CES1: variants seen among roughly 807,000 people sequenced by gnomAD.
CES1 encodes carboxylesterase 1, also known as liver carboxylesterase 1.
In CES1, 50 loss-of-function variants were observed where a neutral mutation model predicts 53.0. The observed-to-expected ratio is 0.94, with a 90% CI of 0.75 to 1.19. CES1 has a LOEUF of 1.19. Among genes scored for constraint, CES1 ranks in the 50% most tolerant of loss-of-function variants. The pLI is 0.00. For synonymous variants in CES1, 202 were observed against 210.1 expected, an observed-to-expected ratio of 0.96 and a Z score of 0.33; for missense variants, 534 against 538.0, an observed-to-expected ratio of 0.99 and a Z score of 0.07.
rs771112738 is a variant in CES1, at chr16:55,810,666, T to A, written c.1171-2A>T. 2.5e-6 allele frequency: 4 copies of A among 1,614,102 alleles called. No individual in the cohort carries two copies. Among genetic ancestry groups the A allele is most frequent in the South Asian group, 1.1e-5 (1 of 91,084 alleles). ...TGGAATCAGTTCCTTAGCAATGCACTGAAATAGATCAAAAAGTGACCACCA... is the reference window on the plus strand; with the variant it reads ...TGGAATCAGTTCCTTAGCAATGCACAGAAATAGATCAAAAAGTGACCACCA... On this transcript the variant is annotated splice_acceptor_variant, in intron 10 of 13. Coordinates refer to ENST00000360526, the MANE Select transcript of CES1 (RefSeq NM_001025195.2). LOFTEE classifies it high-confidence loss of function.
At chr16:55,823,249 A>T (rs1219271622) in intron 4 of CES1, among the ~76,000 whole-genome samples, 1 of 152,060 alleles carries the variant, frequency 6.6e-6, no homozygotes, top group Admixed American at 6.5e-5. Flanking sequence ...GGAGAAACAT[A>T]GGTGAAGAGG....
rs773319741 is a variant in CES1, at chr16:55,810,621, A to G, written c.1214T>C (p.Leu405Ser). 3 of 1,614,070 alleles carry G rather than the reference A, an allele frequency of 1.9e-6. No individual in the cohort carries two copies. Among genetic ancestry groups the G allele is most frequent in the Non-Finnish European group, 2.5e-6 (3 of 1,180,000 alleles). The change falls in exon 11 of 14, where the codon TTA becomes TCA. Residue 405 changes from leucine (L) to serine (S), a missense_variant. By Grantham distance (145) the Leu-to-Ser change is moderately radical. Coordinates refer to ENST00000360526, the MANE Select transcript of CES1 (RefSeq NM_001025195.2). The part of the protein sequence containing the change: ...ELIPEATEKY[L>S]GGTDDTVKKK... ...TTTGACAGTGTCGTCTGTTCCTCCT[A>G]AGTATTTCTCAGTGGCTTCTGGAAT...
At chr16:55,830,821 G>GGAAGGAAA (rs1567509502) in intron 1 of CES1, among the ~76,000 whole-genome samples, 11 of 133,480 alleles carry the variant, frequency 8.2e-5, no homozygotes, top group Non-Finnish European at 1.8e-4. Context: ...AAGGAAGGAA[G>GGAAGGAAA]GCAGGCAGGC....
rs756367782 is a variant in CES1, at chr16:55,810,502, AC to A, written c.1318+14del. On this transcript the variant is annotated intron_variant, in intron 11 of 13. Transcript: ENST00000360526. ...GTGGGGTTTGTGTCCCTCCCGTTCG[AC>A]CTCTGGGACTCACCTCTGTGGTTCC... is the stretch of plus-strand genomic sequence containing the variant. The A allele has an allele frequency of 6.2e-7, 1 of 1,613,648 alleles. No individual in the cohort carries two copies. The highest frequency in any genetic ancestry group is 8.5e-7 in the Non-Finnish European group (1 of 1,179,932).
chr16:55,817,799 T>A (rs1478945383), intron 7 of CES1, among the ~76,000 whole-genome samples: 1 of 152,114 alleles, frequency 6.6e-6, no homozygotes, highest in Non-Finnish European at 1.5e-5. Flanking sequence ...CATGTGTGTG[T>A]ACTGGAGGCA....
chr16:55,810,553 C>T lies in CES1; in HGVS notation c.1282G>A (p.Gly428Ser). The T allele has an allele frequency of 6.2e-7, 1 of 1,614,158 alleles. No homozygotes were observed. Among genetic ancestry groups the T allele is most frequent in the Non-Finnish European group, 8.5e-7 (1 of 1,180,032 alleles). The change falls in exon 11 of 14, where the codon GGT becomes AGT. Residue 428 changes from glycine to serine, a missense_variant. Physicochemically the swap from Gly to Ser is moderately conservative, Grantham distance 56. This residue lies in a region of CES1 where 269 missense variants were observed against 206.6 expected (regional missense o/e 1.30). Coordinates refer to ENST00000360526, the MANE Select transcript of CES1 (RefSeq NM_001025195.2). The stretch of plus-strand genomic sequence containing the variant: ...CGGGCCACAATCACAGATGGGACAC[C>T]AAACATCACATCTGCTATCAAGTCC... Reference protein sequence around the residue: ...FLDLIADVMFGVPSVIVARNH... With the variant: ...FLDLIADVMFSVPSVIVARNH...
At chr16:55,814,305 C>A (rs1428388193) in intron 8 of CES1, among the ~76,000 whole-genome samples, 9 of 152,142 alleles carry the variant, frequency 5.9e-5, no homozygotes, top group Admixed American at 5.9e-4. Context: ...AGAGAGAGCC[C>A]AACTCATGTG....
chr16:55,826,438 C>T (rs1309690725), intron 2 of CES1, 143 bp from the exon 3 acceptor site: 5 of 1,071,272 alleles, frequency 4.7e-6, no homozygotes, highest in Non-Finnish European at 7.1e-6. Context: ...GGGTAGGAGG[C>T]TATCAGGGGC....
intron 2 of CES1, among the ~76,000 whole-genome samples, chr16:55,827,093 C>G (rs1283335393): frequency 6.6e-6 from 1 of 152,044 alleles, no homozygotes; most frequent in Non-Finnish European, 1.5e-5. Context: ...TTATAAGCAA[C>G]AGTCCCAGAC....
At chr16:55,811,157 A>T in intron 9 of CES1, 147 bp from the exon 10 acceptor site, 1 of 666,060 alleles carries the variant, frequency 1.5e-6, no homozygotes, top group East Asian at 2.7e-5. Context: ...AAATGGGTGA[A>T]ATCAATGAAT....
intron 4 of CES1, 24 bp downstream of exon 4, chr16:55,823,526 A>C: frequency 1.2e-6 from 2 of 1,610,330 alleles, no homozygotes; most frequent in Non-Finnish European, 1.7e-6. Flanking sequence ...GCCAAAGTGC[A>C]GTGAGGAGAG....
intron 9 of CES1, among the ~76,000 whole-genome samples, chr16:55,811,637 G>A (rs1369449551): frequency 6.6e-6 from 1 of 152,194 alleles, no homozygotes; most frequent in Non-Finnish European, 1.5e-5. Flanking sequence ...TGCCTGGGAA[G>A]GCTCAACCCT....
At chr16:55,820,541 C>T (rs1404060446) in intron 5 of CES1, 62 bp from the exon 6 acceptor site, 3 of 1,606,754 alleles carry the variant, frequency 1.9e-6, no homozygotes, top group Non-Finnish European at 2.5e-6. Context: ...GACTCACTCG[C>T]TATTCCAGGC....
chr16:55,827,764 A>G (rs2032475706), intron 2 of CES1: 1 of 152,196 alleles, frequency 6.6e-6, no homozygotes, highest in Non-Finnish European at 1.5e-5. Context: ...CTCATGATAT[A>G]CTTATAAATG....
chr16:55,821,616 T>G, intron 4 of CES1, 95 bp from the exon 5 acceptor site: 2 of 1,365,612 alleles, frequency 1.5e-6, no homozygotes, highest in Non-Finnish European at 2.1e-6. Context: ...AGTGAACCCT[T>G]AAGAATAAGG....
intron 1 of CES1, among the ~76,000 whole-genome samples, chr16:55,830,703 A>G (rs1376276008): frequency 6.6e-6 from 1 of 151,626 alleles, no homozygotes; most frequent in African/African-American, 2.4e-5. Flanking sequence ...CTCCAGAGAG[A>G]GAGAAGAAGG....
intron 2 of CES1, chr16:55,828,280 G>A (rs191013841): frequency 1.2e-5 from 3 of 249,284 alleles, no homozygotes; most frequent in East Asian, 9.3e-5. Flanking sequence ...AGCACTTGCC[G>A]AGTGGACACC....
chr16:55,813,522 T>C (rs1386617051), intron 8 of CES1, among the ~76,000 whole-genome samples: 38 of 151,934 alleles, frequency 2.5e-4, no homozygotes, highest in African/African-American at 9.0e-4. Flanking sequence ...TGGGTTTCTG[T>C]TGAAAGAGAC....
intron 1 of CES1, among the ~76,000 whole-genome samples, chr16:55,832,370 A>G (rs7205509): frequency 0.014 from 2,102 of 146,466 alleles, 22 homozygotes; most frequent in South Asian, 0.043. Context: ...GCCTGACCAC[A>G]GCTCAAATTT....
Sources: allele counts gnomAD v4.1 joint callset (sites outside exome capture counted in the v4.1 genomes callset), GRCh38; gene constraint gnomAD v4.1.1; regional missense constraint gnomAD v4.1.1; transcripts MANE v1.5; gene names NCBI Gene and HGNC (gene_info 2026-07-23, HGNC 2026-07-21).